Variants in CEP350 observed in about 807,000 individuals in gnomAD.
CEP350 encodes centrosome-associated protein 350.
Under a neutral mutation model 331.8 loss-of-function variants are expected in CEP350, and 126 were observed. That is an observed-to-expected ratio of 0.38 (90% CI 0.33 to 0.44). CEP350 has a LOEUF of 0.44. Among genes scored for constraint, CEP350 ranks in the 20% least tolerant of loss-of-function variants. The pLI, the probability that CEP350 is intolerant of heterozygous loss-of-function variation, is 1.00. For synonymous variants in CEP350, 1,200 were observed against 1,259.5 expected, an observed-to-expected ratio of 0.95 and a Z score of 1.00; for missense variants, 3,406 against 3,634.6, an observed-to-expected ratio of 0.94 and a Z score of 1.62.
intron 25 of CEP350, among the ~76,000 whole-genome samples, chr1:180,055,682 G>T (rs1657787493): frequency 6.6e-6 from 1 of 151,414 alleles, no homozygotes; most frequent in African/African-American, 2.4e-5. Flanking sequence ...GAGTAGCTGG[G>T]ACTACAGCCC....
At position 180,020,928 on chromosome 1, in the gene CEP350, G is replaced by A. The variant is rs761749522; in HGVS notation, c.3154G>A (p.Gly1052Arg). The A allele has an allele frequency of 1.8e-5, 29 of 1,604,770 alleles. No homozygotes were observed. The African/African-American group carries it at 3.0e-4, about 16-fold the overall frequency. Residue 1052 changes from glycine (G) to arginine (R), a missense_variant, in exon 12 of 38, where the codon GGA (glycine) becomes AGA (arginine). Coordinates refer to ENST00000367607, the MANE Select transcript of CEP350 (RefSeq NM_014810.5). ...FGHIGGTQSK[G>R]PWEELAKGSP... ...GCACATAGGTGGTACACAAAGCAAA[G>A]GACCATGGGAAGAATTGGCAAAGGG...
chr1:180,100,061 C>G (rs1452329053), intron 37 of CEP350, among the ~76,000 whole-genome samples: 1 of 152,198 alleles, frequency 6.6e-6, no homozygotes, highest in Non-Finnish European at 1.5e-5. Flanking sequence ...GCTGGGATTA[C>G]AGGCATGAGC....
chr1:180,048,194 C>T (rs993080882), intron 21 of CEP350, among the ~76,000 whole-genome samples: 6 of 152,024 alleles, frequency 3.9e-5, no homozygotes, highest in East Asian at 1.9e-4. Flanking sequence ...TGTGATAAAT[C>T]GTGATGTTAA....
At chr1:180,022,416 AT>A (rs1173957227) in intron 12 of CEP350, among the ~76,000 whole-genome samples, 1 of 152,164 alleles carries the variant, frequency 6.6e-6, no homozygotes, top group Non-Finnish European at 1.5e-5. Context: ...TAGGAGGTTT[AT>A]TTGAAACTAG....
intron 31 of CEP350, chr1:180,087,033 A>G (rs1211352195): frequency 6.6e-6 from 1 of 152,248 alleles, no homozygotes; most frequent in Non-Finnish European, 1.5e-5. Context: ...ATCCCCTTAT[A>G]TTTCATACAA....
rs1376273221 is a variant in CEP350, at chr1:180,111,257, C to CTA, written c.*97_*98insAT. Reference sequence around the variant, plus strand: ...CATCGCCATCATAGCAAGAGTGCTTCTGGACCTTGTACTTATTCTTAAAGA... The same window carrying CTA: ...CATCGCCATCATAGCAAGAGTGCTTCTATGGACCTTGTACTTATTCTTAAAGA... On this transcript the variant is annotated 3_prime_UTR_variant, in exon 38 of 38. Coordinates refer to ENST00000367607, the MANE Select transcript of CEP350 (RefSeq NM_014810.5). 2 of 1,427,870 alleles carry CTA rather than the reference C, an allele frequency of 1.4e-6. No individual in the cohort carries two copies. Among genetic ancestry groups the CTA allele is most frequent in the East Asian group, 4.7e-5 (2 of 42,446 alleles). 88.5% of individuals were successfully genotyped at this position (1,427,870 alleles called of 1,614,324 possible). A position where few individuals can be genotyped will look rare whatever the true frequency, so the allele number is the denominator to read the frequency against.
chr1:179,983,723 G>A (rs780839993), intron 1 of CEP350, among the ~76,000 whole-genome samples: 33 of 152,016 alleles, frequency 2.2e-4, no homozygotes, highest in Non-Finnish European at 4.1e-4. Context: ...TCAACATACC[G>A]TACTGCCTCT....
At chr1:180,051,755 A>C (rs557453288) in intron 22 of CEP350, among the ~76,000 whole-genome samples, 1 of 152,200 alleles carries the variant, frequency 6.6e-6, no homozygotes, top group African/African-American at 2.4e-5. Flanking sequence ...GATCTAAGTA[A>C]GTAACTTTGG....
intron 27 of CEP350, among the ~76,000 whole-genome samples, chr1:180,066,228 G>A (rs9425856): frequency 0.56 from 85,846 of 151,954 alleles, 26,202 homozygotes; most frequent in East Asian, 0.72. Flanking sequence ...AATTAAATAC[G>A]GTTAAAAATT....
intron 8 of CEP350, among the ~76,000 whole-genome samples, chr1:180,010,356 A>G (rs1654545415): frequency 6.7e-6 from 1 of 148,950 alleles, no homozygotes; most frequent in African/African-American, 2.5e-5. Context: ...ATCATTGATC[A>G]AGGGGCATGA....
rs1653140486 is a variant in CEP350, at chr1:179,992,100, A to C, written c.274A>C (p.Ile92Leu). The part of the protein sequence containing the change: ...YLDDSWVNAP[I>L]SKSTKSRKEK... ...GGATGATTCTTGGGTTAATGCTCCA[A>C]TCTCCAAATCCACTAAATCACGAAA... The change falls in exon 5 of 38, where the codon ATC (isoleucine) becomes CTC (leucine). Residue 92 changes from isoleucine to leucine, a missense_variant. Transcript: ENST00000367607. 6.4e-7 allele frequency: 1 copy of C among 1,555,246 alleles called. No individual in the cohort carries two copies. The highest frequency in any genetic ancestry group is 8.7e-7 in the Non-Finnish European group (1 of 1,152,774).
intron 37 of CEP350, among the ~76,000 whole-genome samples, chr1:180,108,301 A>G (rs1661258515): frequency 6.6e-6 from 1 of 152,120 alleles, no homozygotes; most frequent in Non-Finnish European, 1.5e-5. Flanking sequence ...AAATTTTGTT[A>G]TTGTGGAGGA....
chr1:180,015,757 T>C, intron 10 of CEP350, 92 bp from the exon 11 acceptor site: 1 of 1,398,306 alleles, frequency 7.2e-7, no homozygotes, highest in Non-Finnish European at 9.6e-7. Context: ...ATGATCTTTG[T>C]AGAGCTGAGG....
intron 22 of CEP350, among the ~76,000 whole-genome samples, chr1:180,052,666 G>A (rs1367687821): frequency 6.6e-6 from 1 of 151,936 alleles, no homozygotes; most frequent in East Asian, 1.9e-4. Flanking sequence ...TAAAGCATCT[G>A]ATCTGGCCTT....
At chr1:180,046,475 A>G (rs562253426) in intron 21 of CEP350, among the ~76,000 whole-genome samples, 1 of 152,316 alleles carries the variant, frequency 6.6e-6, no homozygotes, top group South Asian at 2.1e-4. Context: ...TTATTTATCC[A>G]TTCATCAGTT....
intron 32 of CEP350, 84 bp downstream of exon 32, chr1:180,087,801 AG>A (rs1417740383): frequency 7.9e-7 from 1 of 1,258,540 alleles, no homozygotes; most frequent in African/African-American, 1.6e-5. Context: ...TTACCCTTTA[AG>A]TAACTGAAAT....
At chr1:180,004,994 A>T (rs1366454325) in intron 7 of CEP350, among the ~76,000 whole-genome samples, 6 of 115,118 alleles carry the variant, frequency 5.2e-5, no homozygotes, top group East Asian at 2.6e-4. Context: ...TTTTTTTCTT[A>T]ACCTTCTCCC....
intron 3 of CEP350, among the ~76,000 whole-genome samples, chr1:179,987,685 G>A (rs1652737447): frequency 6.6e-6 from 1 of 151,880 alleles, no homozygotes; most frequent in Non-Finnish European, 1.5e-5. Flanking sequence ...CTAGCACTTT[G>A]GGAGGTTGAG....
intron 37 of CEP350, among the ~76,000 whole-genome samples, chr1:180,105,334 CCTT>C (rs1048468430): frequency 7.2e-5 from 11 of 152,066 alleles, no homozygotes; most frequent in African/African-American, 2.2e-4. Flanking sequence ...TGTCTACACT[CCTT>C]CTCAGTCTCA....
Sources: allele counts gnomAD v4.1 joint callset (sites outside exome capture counted in the v4.1 genomes callset), GRCh38; gene constraint gnomAD v4.1.1; transcripts MANE v1.5; gene names NCBI Gene and HGNC (gene_info 2026-07-23, HGNC 2026-07-21).